MSH3: variants seen among roughly 807,000 people sequenced by gnomAD.
MSH3 encodes the protein DNA mismatch repair protein Msh3.
Under a neutral mutation model 123.3 loss-of-function variants are expected in MSH3, and 106 were observed. That is an observed-to-expected ratio of 0.86 (90% CI 0.73 to 1.01). MSH3 has a LOEUF of 1.01. Among genes scored for constraint, MSH3 ranks in the 50% least tolerant of loss-of-function variants. MSH3 has a pLI of 0.00. For synonymous variants in MSH3, 515 were observed against 481.4 expected (o/e 1.07, Z -0.91); for missense variants, 1,459 against 1,347.6 (o/e 1.08, Z -1.29).
intron 20 of MSH3, among the ~76,000 whole-genome samples, chr5:80,833,049 T>C (rs964584): frequency 0.14 from 20,638 of 152,164 alleles, 1,757 homozygotes; most frequent in African/African-American, 0.24. Context: ...GTGTTTTTTA[T>C]TTTAGAAACT....
chr5:80,709,389 A>G (rs1424924000), intron 8 of MSH3, among the ~76,000 whole-genome samples: 4 of 152,156 alleles, frequency 2.6e-5, no homozygotes, highest in Non-Finnish European at 4.4e-5. Flanking sequence ...TTGGGAGGCC[A>G]AGGTGGGCGG....
intron 10 of MSH3, among the ~76,000 whole-genome samples, chr5:80,738,918 C>T (rs916794182): frequency 2.6e-5 from 4 of 152,184 alleles, no homozygotes; most frequent in Admixed American, 2.6e-4. Flanking sequence ...GTTTGTCCCT[C>T]CTCCATGTGA....
Position 80,868,455 on chromosome 5 carries a change from A to G in MSH3, c.3130+3513A>G, listed in dbSNP as rs562177489. On this transcript the variant is annotated intron_variant, in intron 22 of 23. Transcript: ENST00000265081. ...TCCAGCCATAAAAAACAATAAGATC[A>G]TGTCCTTTGCCGGAATATGGATGAA... Among the ~76,000 whole-genome samples the G allele has an allele frequency of 9.9e-5, 15 of 151,480 alleles. 1 individual carries two copies. The South Asian group carries it at 2.3e-3, about 24-fold the overall frequency.
At chr5:80,731,580 GA>G (rs2112860302) in intron 10 of MSH3, among the ~76,000 whole-genome samples, 1 of 152,098 alleles carries the variant, frequency 6.6e-6, no homozygotes, top group East Asian at 1.9e-4. Context: ...TTCATTCTGT[GA>G]GGGTATATTT....
intron 8 of MSH3, among the ~76,000 whole-genome samples, chr5:80,704,767 A>G (rs1413143045): frequency 6.6e-6 from 1 of 152,198 alleles, no homozygotes; most frequent in Non-Finnish European, 1.5e-5. Flanking sequence ...ATTTTACAGA[A>G]GTTTGGTTTA....
chr5:80,822,966 A>G (rs1359175486), intron 20 of MSH3, among the ~76,000 whole-genome samples: 1 of 152,222 alleles, frequency 6.6e-6, no homozygotes, highest in Non-Finnish European at 1.5e-5. Context: ...TTCATTCTCA[A>G]TTTATTCCAT....
intron 8 of MSH3, among the ~76,000 whole-genome samples, chr5:80,682,983 T>A (rs1160119686): frequency 1.3e-5 from 2 of 152,206 alleles, no homozygotes; most frequent in African/African-American, 4.8e-5. Flanking sequence ...CTGGCTTATT[T>A]CATGTAAAAT....
At chr5:80,777,024 C>T (rs939964400) in intron 16 of MSH3, among the ~76,000 whole-genome samples, 36 of 151,036 alleles carry the variant, frequency 2.4e-4, no homozygotes, top group Middle Eastern at 3.4e-3. Context: ...CTCCGCCTCC[C>T]GGGTTCAAAT....
intron 22 of MSH3, among the ~76,000 whole-genome samples, chr5:80,871,482 C>T (rs566966041): frequency 1.3e-5 from 2 of 152,182 alleles, no homozygotes; most frequent in Non-Finnish European, 2.9e-5. Flanking sequence ...AGTCACTAAT[C>T]AGGGCAGCAG....
chr5:80,773,374 AGGAGGC>A (rs1249528704), intron 15 of MSH3, among the ~76,000 whole-genome samples: 1 of 152,214 alleles, frequency 6.6e-6, no homozygotes, highest in African/African-American at 2.4e-5. Context: ...TTGTAGCCAA[AGGAGGC>A]TTGTTAGACT....
intron 3 of MSH3, among the ~76,000 whole-genome samples, chr5:80,667,171 C>G (rs984049027): frequency 1.3e-5 from 2 of 151,870 alleles, no homozygotes; most frequent in Non-Finnish European, 2.9e-5. Flanking sequence ...CTTTTTTTTC[C>G]TGGAAGCTTA....
intron 8 of MSH3, among the ~76,000 whole-genome samples, chr5:80,699,317 GGGA>G (rs2112836704): frequency 6.6e-6 from 1 of 152,196 alleles, no homozygotes; most frequent in South Asian, 2.1e-4. Context: ...CCAGCACTAT[GGGA>G]GGACGAGATG....
At position 80,792,633 on chromosome 5, in the gene MSH3, T is replaced by C. The variant is rs1333536452; in HGVS notation, c.2544-100T>C. On this transcript the variant is annotated intron_variant, in intron 18 of 23. Transcript: ENST00000265081. ...TCTATGTTTAAAGTTTTGTTTTCTG[T>C]CGTACAAACAGAGTACTGAAATTTT... 27 of 694,362 alleles carry C rather than the reference T, an allele frequency of 3.9e-5. No homozygotes were observed. The East Asian group carries it at 5.8e-4, about 15-fold the overall frequency. The allele number at this position is 694,362 out of a possible 1,614,324, so 43.0% of individuals were successfully genotyped here. A position where few individuals can be genotyped will look rare whatever the true frequency, so the allele number is the denominator to read the frequency against.
chr5:80,768,703 T>C (rs1310743610), intron 14 of MSH3, 132 bp from the exon 15 acceptor site: 13 of 738,010 alleles, frequency 1.8e-5, no homozygotes, highest in Non-Finnish European at 2.5e-5. Flanking sequence ...AATCCATAAG[T>C]GCTTAGTGAC....
At chr5:80,733,871 T>C (rs1228658712) in intron 10 of MSH3, among the ~76,000 whole-genome samples, 1 of 152,210 alleles carries the variant, frequency 6.6e-6, no homozygotes, top group Non-Finnish European at 1.5e-5. Flanking sequence ...CCAATAGGAC[T>C]ATAAAATGGT....
chr5:80,769,410 T>C (rs959159916), intron 15 of MSH3, among the ~76,000 whole-genome samples: 1 of 151,960 alleles, frequency 6.6e-6, no homozygotes, highest in African/African-American at 2.4e-5. Flanking sequence ...TGGGGCTTCC[T>C]CCTAAAGTTA....
In MSH3 at chr5:80,672,386, G is replaced by A. The variant is rs1190511661; in HGVS notation, c.909+26G>A. ...GTCAGCTTTGGCTTTAACTTGTGGG[G>A]AAAGGAAATTGGGATTCTCCTCCAG... On this transcript the variant is annotated intron_variant, in intron 5 of 23. Coordinates refer to ENST00000265081, the MANE Select transcript of MSH3 (RefSeq NM_002439.5). 2.6e-6 allele frequency: 4 copies of A among 1,537,006 alleles called. No individual in the cohort carries two copies. In the African/African-American group the frequency reaches 5.5e-5, roughly 21 times the overall value.
chr5:80,664,921 T>C (rs1749531647), intron 2 of MSH3, among the ~76,000 whole-genome samples: 1 of 152,080 alleles, frequency 6.6e-6, no homozygotes, highest in African/African-American at 2.4e-5. Context: ...ACCTCTACTA[T>C]AGTAATGAGG....
chr5:80,865,803 G>T (rs1746088476), intron 22 of MSH3, among the ~76,000 whole-genome samples: 1 of 152,164 alleles, frequency 6.6e-6, no homozygotes, highest in Non-Finnish European at 1.5e-5. Flanking sequence ...AAGTAATAGG[G>T]ATGGACCTGA....
Sources: gnomAD v4.1 joint callset for allele counts (sites outside exome capture counted in the v4.1 genomes callset) on GRCh38, gnomAD v4.1.1 for gene constraint, MANE v1.5 for transcripts, NCBI Gene and HGNC (gene_info 2026-07-23, HGNC 2026-07-21) for gene names.